Variants in CACNA1E observed in about 807,000 individuals in gnomAD.
CACNA1E encodes the protein voltage-dependent R-type calcium channel subunit alpha-1E.
CACNA1E carries 40 observed loss-of-function variants against 259.2 expected under a neutral mutation model. The observed-to-expected ratio is 0.15, with a 90% CI of 0.12 to 0.20. The LOEUF (loss-of-function observed/expected upper bound fraction) is 0.20, where lower values mean the gene tolerates loss of function less well. Among genes scored for constraint, CACNA1E ranks in the 10% least tolerant of loss-of-function variants. The pLI, the probability that CACNA1E is intolerant of heterozygous loss-of-function variation, is 1.00. For synonymous variants in CACNA1E, 1,104 were observed against 1,138.5 expected (o/e 0.97, Z 0.61); for missense variants, 1,874 against 3,040.1 (o/e 0.62, Z 9.02).
intron 7 of CACNA1E, among the ~76,000 whole-genome samples, chr1:181,671,784 A>T (rs1648825481): frequency 6.6e-6 from 1 of 152,216 alleles, no homozygotes; most frequent in South Asian, 2.1e-4. Flanking sequence ...TGCATAATTA[A>T]CTTGTGTGGA....
chr1:181,552,601 G>A (rs188343956), intron 3 of CACNA1E, among the ~76,000 whole-genome samples: 5 of 152,016 alleles, frequency 3.3e-5, no homozygotes, highest in Admixed American at 2.6e-4. Flanking sequence ...CCAGTTTGGG[G>A]TGATTATGAA....
intron 24 of CACNA1E, 54 bp downstream of exon 24, chr1:181,738,480 T>A: frequency 7.1e-7 from 1 of 1,400,662 alleles, no homozygotes; most frequent in South Asian, 1.2e-5. Context: ...GTCACCTGTC[T>A]GCTCCTTAGG....
At chr1:181,349,822 GA>G (rs1405419481) in intron 1 of CACNA1E, among the ~76,000 whole-genome samples, 1 of 152,138 alleles carries the variant, frequency 6.6e-6, no homozygotes, top group Non-Finnish European at 1.5e-5. Flanking sequence ...CAAGAAATGT[GA>G]AAAGGAGCAA....
In CACNA1E at chr1:181,798,499, A is replaced by C; in HGVS notation, c.6607A>C (p.Asn2203His). 1.9e-6 allele frequency: 3 copies of C among 1,613,954 alleles called. No homozygotes were observed. The highest frequency in any genetic ancestry group is 2.5e-6 in the Non-Finnish European group (3 of 1,179,906). Residue 2203 changes from asparagine (N) to histidine (H), a missense_variant, in exon 48 of 48, where the codon AAC (asparagine) becomes CAC (histidine). By Grantham distance (68) the Asn-to-His change is moderately conservative (BLOSUM62 1). Coordinates refer to ENST00000367573, the MANE Select transcript of CACNA1E (RefSeq NM_001205293.3). This position sits in a 1 kb window ranked among gnomAD's most constrained non-coding sequence, Gnocchi z 4.2. ...SPLTSQALESNNACLTESSNS... is the reference protein window; with the variant it reads ...SPLTSQALESHNACLTESSNS... ...GCTGACCTCCCAAGCTCTGGAGAGC[A>C]ACAATGCTTGCCTGACCGAGTCTTC...
chr1:181,757,497 C>T lies in CACNA1E; in HGVS notation c.4329+371C>T, dbSNP rs116680990. The stretch of plus-strand genomic sequence containing the variant: ...AGCTTTTCCAGCAACAAGCATAGTT[C>T]TGGCACATTGTAAGGTTTCAAAAGC... On this transcript the variant is annotated intron_variant, in intron 30 of 47. Coordinates refer to ENST00000367573, the MANE Select transcript of CACNA1E (RefSeq NM_001205293.3). Among the ~76,000 whole-genome samples, 961 of 152,296 alleles carry T rather than the reference C, an allele frequency of 6.3e-3. 8 individuals are homozygous for T. The highest frequency in any genetic ancestry group is 0.022 in the African/African-American group (932 of 41,558).
intron 6 of CACNA1E, among the ~76,000 whole-genome samples, chr1:181,606,598 T>C (rs1470528939): frequency 6.6e-6 from 1 of 152,242 alleles, no homozygotes; most frequent in African/African-American, 2.4e-5. Flanking sequence ...GCCAGAAGGA[T>C]TTTTAAACAA....
chr1:181,616,970 T>A (rs1655275439), intron 6 of CACNA1E, among the ~76,000 whole-genome samples: 1 of 152,256 alleles, frequency 6.6e-6, no homozygotes, highest in South Asian at 2.1e-4. Context: ...AAGCTCATAA[T>A]GTCTCCTTAT....
chr1:181,582,303 G>T (rs1487879394), intron 6 of CACNA1E, among the ~76,000 whole-genome samples: 1 of 152,230 alleles, frequency 6.6e-6, no homozygotes, highest in Admixed American at 6.5e-5. Context: ...GTGGGAGGCA[G>T]CAGGAAGGAG....
At chr1:181,363,377 A>G (rs1410799646) in intron 1 of CACNA1E, among the ~76,000 whole-genome samples, 3 of 152,244 alleles carry the variant, frequency 2.0e-5, no homozygotes, top group African/African-American at 7.2e-5. Context: ...GGAAGTAGAG[A>G]ATCCATGTTT....
At chr1:181,352,159 C>T (rs142958572) in intron 1 of CACNA1E, among the ~76,000 whole-genome samples, 5,039 of 152,308 alleles carry the variant, frequency 0.033, 99 homozygotes, top group Middle Eastern at 0.065. Context: ...TTAATCCTGT[C>T]ATTCCCAGGA....
At chr1:181,521,240 TG>T (rs1224586348) in intron 3 of CACNA1E, among the ~76,000 whole-genome samples, 2 of 152,166 alleles carry the variant, frequency 1.3e-5, no homozygotes, top group Non-Finnish European at 2.9e-5. Context: ...TACATCACTG[TG>T]GGGGTCCCTG....
chr1:181,545,187 A>G (rs1647313385), intron 3 of CACNA1E, among the ~76,000 whole-genome samples: 1 of 152,300 alleles, frequency 6.6e-6, no homozygotes, highest in Non-Finnish European at 1.5e-5. Context: ...TTACTCCCAG[A>G]AGGAGGGGAT....
chr1:181,639,032 G>C (rs1234309714), intron 6 of CACNA1E, among the ~76,000 whole-genome samples: 1 of 152,044 alleles, frequency 6.6e-6, no homozygotes, highest in Non-Finnish European at 1.5e-5. Context: ...GCATGTGGTT[G>C]TGAAGATTAA....
intron 7 of CACNA1E, among the ~76,000 whole-genome samples, chr1:181,676,821 A>G (rs1649425246): frequency 6.6e-6 from 1 of 152,122 alleles, no homozygotes; most frequent in Non-Finnish European, 1.5e-5. Flanking sequence ...TCAGATGTTA[A>G]CCACTTAAGT....
At chr1:181,604,004 C>T (rs1572352767) in intron 6 of CACNA1E, among the ~76,000 whole-genome samples, 1 of 152,180 alleles carries the variant, frequency 6.6e-6, no homozygotes, top group African/African-American at 2.4e-5. Flanking sequence ...TGTACCTTGC[C>T]CTTCCCTGTG....
Position 181,736,375 on chromosome 1 carries a change from T to A in CACNA1E, c.3363T>A (p.Arg1121=), listed in dbSNP as rs755700109. 6.2e-7 allele frequency: 1 copy of A among 1,612,098 alleles called. No individual in the cohort carries two copies. ...AGAAGAAGCAGAAGAAGGAGAAGCG[T>A]GAGACAGGCAAAGCCATGGTGCCCC... ...VEKKKQKKEK[R]ETGKAMVPHS... Residue 1121 remains arginine (R), a synonymous_variant, in exon 22 of 48, where the codon CGT becomes CGA. Transcript: ENST00000367573.
At chr1:181,586,841 C>A (rs923581823) in intron 6 of CACNA1E, among the ~76,000 whole-genome samples, 2 of 152,138 alleles carry the variant, frequency 1.3e-5, no homozygotes, top group African/African-American at 2.4e-5. Flanking sequence ...ATGCCAGGAG[C>A]AGTTTGAGTG....
At chr1:181,631,788 G>T (rs573597634) in intron 6 of CACNA1E, among the ~76,000 whole-genome samples, 3 of 152,334 alleles carry the variant, frequency 2.0e-5, no homozygotes, top group Non-Finnish European at 4.4e-5. Flanking sequence ...CAAGCTGAAA[G>T]TAGAGAGCTG....
At chr1:181,645,281 A>T (rs1437625371) in intron 6 of CACNA1E, among the ~76,000 whole-genome samples, 1 of 152,182 alleles carries the variant, frequency 6.6e-6, no homozygotes, top group South Asian at 2.1e-4. Context: ...CCTTAAGGTT[A>T]TCTAGAGGCT....
Sources: allele counts gnomAD v4.1 joint callset (sites outside exome capture counted in the v4.1 genomes callset), GRCh38; gene constraint gnomAD v4.1.1; non-coding constraint Gnocchi (gnomAD v3.1); transcripts MANE v1.5; gene names NCBI Gene and HGNC (gene_info 2026-07-23, HGNC 2026-07-21).